DENND2B: variants seen among roughly 807,000 people sequenced by gnomAD.
DENND2B encodes DENN domain containing 2B, also known as DENN domain-containing protein 2B.
In DENND2B, 32 loss-of-function variants were observed where a neutral mutation model predicts 116.0. The ratio of observed to expected loss-of-function variants is 0.28; its 90% CI spans 0.21 to 0.37. The LOEUF is 0.37. Among genes scored for constraint, DENND2B ranks in the 10% least tolerant of loss-of-function variants. DENND2B has a pLI of 1.00. For missense variants in DENND2B, 1,276 were observed against 1,477.7 expected (o/e 0.86, Z 2.24); for synonymous variants, 588 against 583.9 (o/e 1.01, Z -0.10).
At chr11:8,876,105 G>A (rs1270942268), upstream of DENND2B, among the ~76,000 whole-genome samples, 4 of 152,164 alleles carry the variant, frequency 2.6e-5, no homozygotes, top group Middle Eastern at 0.01. Context: ...TATACTATAG[G>A]CCGGGCATGG....
intron 1 of DENND2B, among the ~76,000 whole-genome samples, chr11:8,794,188 C>T (rs2059621270): frequency 6.6e-6 from 1 of 152,182 alleles, no homozygotes; most frequent in Non-Finnish European, 1.5e-5. Flanking sequence ...TTGATGCCTG[C>T]CTGCTAATGT....
intron 2 of DENND2B, among the ~76,000 whole-genome samples, chr11:8,742,742 G>C (rs1175075685): frequency 2.6e-5 from 4 of 152,212 alleles, no homozygotes; most frequent in Non-Finnish European, 5.9e-5. Flanking sequence ...CTCTAGGCAG[G>C]AAAACATTCT....
chr11:8,891,513 A>T (rs7927055), intron 1 of DENND2B, among the ~76,000 whole-genome samples: 73,699 of 151,840 alleles, frequency 0.49, 18,507 homozygotes, highest in Middle Eastern at 0.69. Context: ...ATGCAGAGAC[A>T]CACATAGGCT....
intron 4 of DENND2B, among the ~76,000 whole-genome samples, chr11:8,825,350 T>C (rs1423641173): frequency 6.6e-6 from 1 of 152,194 alleles, no homozygotes; most frequent in African/African-American, 2.4e-5. Flanking sequence ...TTCATGTCCT[T>C]TGCCCACTTT....
At chr11:8,823,852 T>G (rs1021466117) in intron 4 of DENND2B, among the ~76,000 whole-genome samples, 1 of 151,940 alleles carries the variant, frequency 6.6e-6, no homozygotes, top group African/African-American at 2.4e-5. Context: ...ACATGAACCC[T>G]TTTTTTCCTT....
intron 1 of DENND2B, among the ~76,000 whole-genome samples, chr11:8,762,097 C>T (rs1342712140): frequency 6.6e-6 from 1 of 152,216 alleles, no homozygotes; most frequent in Non-Finnish European, 1.5e-5. Context: ...TCCCCACCAG[C>T]ATCATGGCTC....
intron 1 of DENND2B, among the ~76,000 whole-genome samples, chr11:8,754,029 G>GCGCGCGCACACACACA (rs146486674): frequency 5.5e-4 from 77 of 138,830 alleles, no homozygotes; most frequent in African/African-American, 1.6e-3. Flanking sequence ...CCAAAAGCGC[G>GCGCGCGCACACACACA]CACACACACA....
intron 1 of DENND2B, among the ~76,000 whole-genome samples, chr11:8,772,762 G>A (rs1164844541): frequency 6.6e-6 from 1 of 152,132 alleles, no homozygotes; most frequent in Non-Finnish European, 1.5e-5. Flanking sequence ...ACACACTGAA[G>A]CCTCAAGGGC....
At chr11:8,740,907 G>T (rs577147289) in intron 2 of DENND2B, among the ~76,000 whole-genome samples, 3 of 152,224 alleles carry the variant, frequency 2.0e-5, no homozygotes, top group Non-Finnish European at 4.4e-5. Flanking sequence ...GAAAAAGGAG[G>T]AAGAGTGCCT....
At chr11:8,808,477 A>G (rs2061077592) in intron 1 of DENND2B, 1 of 152,204 alleles carries the variant, frequency 6.6e-6, no homozygotes, top group Non-Finnish European at 1.5e-5. Flanking sequence ...TTTTATGGCA[A>G]ACATCACTCT....
At chr11:8,695,681 G>A (rs1266129852) in intron 18 of DENND2B, 132 bp from the exon 19 acceptor site, 3 of 766,776 alleles carry the variant, frequency 3.9e-6, no homozygotes, top group East Asian at 2.6e-5. Context: ...ATAATTTGCA[G>A]GAGCATCTTA....
chr11:8,870,759 T>C (rs890809238), intron 2 of DENND2B: 3 of 152,090 alleles, frequency 2.0e-5, no homozygotes, highest in African/African-American at 4.8e-5. Context: ...AGCCGGCGGC[T>C]ACTGACCGCC....
intron 1 of DENND2B, among the ~76,000 whole-genome samples, chr11:8,794,457 T>C (rs1423648636): frequency 1.3e-5 from 2 of 152,190 alleles, no homozygotes; most frequent in African/African-American, 4.8e-5. Flanking sequence ...TCTCAGGCTA[T>C]GTATGGGTAG....
chr11:8,718,413 A>AG (rs753117468), intron 4 of DENND2B: 119 of 1,530,332 alleles, frequency 7.8e-5, no homozygotes, highest in Non-Finnish European at 9.4e-5. Flanking sequence ...GGGCTTCGCC[A>AG]GGCCCCCTTC....
chr11:8,827,084 G>A (rs952133714), intron 4 of DENND2B, among the ~76,000 whole-genome samples: 1 of 152,210 alleles, frequency 6.6e-6, no homozygotes, highest in South Asian at 2.1e-4. Context: ...TACTCCCAGG[G>A]ATGTCAGGGA....
intron 1 of DENND2B, among the ~76,000 whole-genome samples, chr11:8,769,276 C>T (rs2056449243): frequency 6.8e-6 from 1 of 147,040 alleles, no homozygotes; most frequent in African/African-American, 2.5e-5. Flanking sequence ...CTCACTTTGT[C>T]ACCTAGGCTG....
At chr11:8,809,550 C>A (rs1253546863) in intron 1 of DENND2B, 1 of 152,192 alleles carries the variant, frequency 6.6e-6, no homozygotes, top group Non-Finnish European at 1.5e-5. Context: ...TACTGACAAC[C>A]CCACTACCCT....
chr11:8,776,146 G>GCGCACACACACACACACACACACACA (rs746605997), intron 1 of DENND2B: 2 of 264,214 alleles, frequency 7.6e-6, no homozygotes, highest in African/African-American at 6.6e-5. Context: ...GCACGTGCGC[G>GCGCACACACACACACACACACACACA]CACGCGCGCG....
chr11:8,736,508 C>G (rs1468448009), intron 2 of DENND2B, among the ~76,000 whole-genome samples: 2 of 151,908 alleles, frequency 1.3e-5, no homozygotes, highest in Non-Finnish European at 2.9e-5. Context: ...GTTTGGGGGC[C>G]AATAAAGAAG....
Sources: gnomAD v4.1 joint callset for allele counts (sites outside exome capture counted in the v4.1 genomes callset) on GRCh38, gnomAD v4.1.1 for gene constraint, MANE v1.5 for transcripts, NCBI Gene and HGNC (gene_info 2026-07-23, HGNC 2026-07-21) for gene names.